The following ZFP90 variants were observed in gnomAD, a reference collection of about 807,000 sequenced individuals.
ZFP90 encodes the protein zinc finger protein 90 homolog.
Under a neutral mutation model 60.8 loss-of-function variants are expected in ZFP90, and 38 were observed. The ratio of observed to expected loss-of-function variants is 0.62; its 90% CI spans 0.48 to 0.82. The LOEUF (loss-of-function observed/expected upper bound fraction) is 0.82, where lower values mean the gene tolerates loss of function less well. Ranked by LOEUF, ZFP90 falls within the 40% of genes least tolerant of loss-of-function variation. The pLI, the probability that ZFP90 is intolerant of heterozygous loss-of-function variation, is 0.00. For synonymous variants in ZFP90, 287 were observed against 264.8 expected (o/e 1.08, Z -0.82); for missense variants, 711 against 759.1 (o/e 0.94, Z 0.74).
chr16:68,563,642 T>C lies in ZFP90; in HGVS notation c.855T>C (p.Asn285=), dbSNP rs777312452. The change falls in exon 5 of 5, where the codon AAT becomes AAC. Residue 285 remains asparagine, a synonymous_variant. Transcript: ENST00000563169. ...IHTGEKPFEC[N]VCGKAFRHSS... is the part of the protein sequence containing the mutation. ...CTGGGGAGAAACCCTTTGAATGCAA[T>C]GTATGTGGAAAGGCCTTCAGGCATA... 3.1e-6 allele frequency: 5 copies of C among 1,614,020 alleles called. No homozygotes were observed. The South Asian group carries it at 5.5e-5, about 18-fold the overall frequency.
downstream of ZFP90, among the ~76,000 whole-genome samples, chr16:68,571,391 A>G (rs2091566875): frequency 6.6e-6 from 1 of 152,216 alleles, no homozygotes; most frequent in South Asian, 2.1e-4. Flanking sequence ...TAAAATTTAA[A>G]ACTTTTGTCC....
At chr16:68,572,112 C>T (rs1236065326), downstream of ZFP90, among the ~76,000 whole-genome samples, 1 of 151,920 alleles carries the variant, frequency 6.6e-6, no homozygotes, top group Non-Finnish European at 1.5e-5. Context: ...CTCAAGTGAT[C>T]CTCTGTCCTT....
At chr16:68,535,411 G>C (rs1418692765), upstream of ZFP90, 1 of 152,140 alleles carries the variant, frequency 6.6e-6, no homozygotes, top group Non-Finnish European at 1.5e-5. Context: ...AATTTTTACT[G>C]GGTGGGGTGG....
downstream of ZFP90, among the ~76,000 whole-genome samples, chr16:68,571,841 C>T (rs997063832): frequency 4.6e-5 from 7 of 152,126 alleles, no homozygotes; most frequent in South Asian, 2.1e-4. Flanking sequence ...TCAGGCAGAG[C>T]GTTGCCACTT....
chr16:68,565,908 T>G lies in ZFP90; in HGVS notation c.*1210T>G. 4 of 931,286 alleles carry G rather than the reference T, an allele frequency of 4.3e-6. No homozygotes were observed. Among genetic ancestry groups the G allele is most frequent in the Non-Finnish European group, 5.1e-6 (4 of 780,982 alleles). 57.7% of individuals were successfully genotyped at this position (931,286 alleles called of 1,614,324 possible). A position where few individuals can be genotyped will look rare whatever the true frequency, so the allele number is the denominator to read the frequency against. On this transcript the variant is annotated 3_prime_UTR_variant, in exon 5 of 5. Coordinates refer to ENST00000563169, the MANE Select transcript of ZFP90 (RefSeq NM_001305203.2). ...GGGTGGCTAAGGCAGATAGACTGCT[T>G]GAACCCAGGAGTTCAAGACCAGCCT... is the stretch of plus-strand genomic sequence containing the variant.
At chr16:68,572,836 C>T (rs973425174) in intron 2 of ZFP90, among the ~76,000 whole-genome samples, 8 of 152,186 alleles carry the variant, frequency 5.3e-5, no homozygotes, top group African/African-American at 1.4e-4. Flanking sequence ...GGTAAAGGAT[C>T]GAACAGAGAG....
At chr16:68,557,972 A>G (rs1382795051) in intron 2 of ZFP90, 26 bp from the exon 3 acceptor site, 1 of 1,613,120 alleles carries the variant, frequency 6.2e-7, no homozygotes, top group Admixed American at 1.7e-5. Flanking sequence ...GTTGATCCCC[A>G]GTTGAACAGG....
chr16:68,570,596 G>A (rs1400081171), downstream of ZFP90, among the ~76,000 whole-genome samples: 1 of 152,244 alleles, frequency 6.6e-6, no homozygotes, highest in Non-Finnish European at 1.5e-5. Flanking sequence ...CATGGTGCTG[G>A]TGGGAGGGTC....
chr16:68,551,729 T>G (rs948146776), intron 2 of ZFP90, among the ~76,000 whole-genome samples: 1 of 150,232 alleles, frequency 6.7e-6, no homozygotes. Flanking sequence ...TGATACTTCT[T>G]AATAACTTTG....
chr16:68,564,768 T>A lies in ZFP90; in HGVS notation c.*70T>A, dbSNP rs1274782518. The A allele has an allele frequency of 4.0e-6, 6 of 1,512,762 alleles. No homozygotes were observed. The East Asian group carries it at 1.4e-4, about 34-fold the overall frequency. The allele number at this position is 1,512,762 out of a possible 1,614,324, so 93.7% of individuals were successfully genotyped here. A position where few individuals can be genotyped will look rare whatever the true frequency, so the allele number is the denominator to read the frequency against. On this transcript the variant is annotated 3_prime_UTR_variant, in exon 5 of 5. Transcript: ENST00000563169. ...TTCTGATTCAGGATCAGAGGATTCTTAGAGAGCTTGGGAATGTAATGAATT... is the reference window on the plus strand; with the variant it reads ...TTCTGATTCAGGATCAGAGGATTCTAAGAGAGCTTGGGAATGTAATGAATT...
chr16:68,541,475 C>T (rs938974353), intron 2 of ZFP90, among the ~76,000 whole-genome samples: 1 of 151,884 alleles, frequency 6.6e-6, no homozygotes, highest in African/African-American at 2.4e-5. Flanking sequence ...CATGTGCCAC[C>T]ATGCCCAGCT....
At chr16:68,539,234 TCG>T (rs2090988386), upstream of ZFP90, 1 of 152,832 alleles carries the variant, frequency 6.5e-6, no homozygotes, top group Non-Finnish European at 1.5e-5. Context: ...GAAGTGTAGT[TCG>T]CGCGCCCGGC....
rs1052932191 is a variant in ZFP90 at position 68,567,066 on chromosome 16, G to C, written c.*2368G>C. 1 of 985,368 alleles carries C rather than the reference G, an allele frequency of 1.0e-6. No individual in the cohort carries two copies. The highest frequency in any genetic ancestry group is 1.7e-5 in the African/African-American group (1 of 57,194). The allele number at this position is 985,368 out of a possible 1,614,324, so 61.0% of individuals were successfully genotyped here. ...GCACTTATGGATACCCAGCCTTTTA[G>C]GGCTACGTGAAATGCATCCTTGTAA... is the stretch of plus-strand genomic sequence containing the variant. On this transcript the variant is annotated 3_prime_UTR_variant, in exon 5 of 5. Transcript: ENST00000563169.
intron 2 of ZFP90, among the ~76,000 whole-genome samples, chr16:68,573,571 C>T (rs2091578620): frequency 1.3e-5 from 2 of 152,184 alleles, no homozygotes; most frequent in African/African-American, 4.8e-5. Context: ...TTAAGGGATC[C>T]TAACATGGGA....
chr16:68,539,112 T>C (rs974327573), upstream of ZFP90: 1 of 152,224 alleles, frequency 6.6e-6, no homozygotes, highest in African/African-American at 2.4e-5. Flanking sequence ...GTGACTGGAA[T>C]ACAGGGACAC....
chr16:68,540,214 G>A (rs1345245920), intron 2 of ZFP90, among the ~76,000 whole-genome samples: 1 of 152,128 alleles, frequency 6.6e-6, no homozygotes, highest in Non-Finnish European at 1.5e-5. Context: ...AGGAGCCCCA[G>A]CTTCTGACCC....
At chr16:68,537,073 T>C (rs1372020164), upstream of ZFP90, among the ~76,000 whole-genome samples, 1 of 152,128 alleles carries the variant, frequency 6.6e-6, no homozygotes, top group African/African-American at 2.4e-5. Flanking sequence ...ACCTTCAGTT[T>C]CTTCAGCCTG....
intron 4 of ZFP90, among the ~76,000 whole-genome samples, chr16:68,559,537 C>G (rs1300434487): frequency 6.6e-6 from 1 of 150,842 alleles, no homozygotes; most frequent in Non-Finnish European, 1.5e-5. Flanking sequence ...ACTGGTGGCA[C>G]TGTAAACCAG....
At chr16:68,546,846 AT>A (rs1417832779) in intron 2 of ZFP90, among the ~76,000 whole-genome samples, 1 of 152,204 alleles carries the variant, frequency 6.6e-6, no homozygotes, top group Non-Finnish European at 1.5e-5. Context: ...TGGCTGGCTT[AT>A]TTCACTTATT....
Sources: allele counts gnomAD v4.1 joint callset (sites outside exome capture counted in the v4.1 genomes callset), GRCh38; gene constraint gnomAD v4.1.1; transcripts MANE v1.5; gene names NCBI Gene and HGNC (gene_info 2026-07-23, HGNC 2026-07-21).